Variants in GPR55 observed in about 807,000 individuals in gnomAD.
GPR55 encodes G protein-coupled receptor 55.
Under a neutral mutation model 7.9 loss-of-function variants are expected in GPR55, and 6 were observed. The ratio of observed to expected loss-of-function variants is 0.76; its 90% confidence interval spans 0.41 to 1.49. The LOEUF is 1.49. Among genes scored for constraint, GPR55 ranks in the 40% most tolerant of loss-of-function variants. GPR55 has a pLI of 0.01. For missense variants in GPR55, 376 were observed against 406.0 expected, an observed-to-expected ratio of 0.93 and a Z score of 0.63; for synonymous variants, 183 against 166.8, an observed-to-expected ratio of 1.10 and a Z score of -0.75.
rs1421441007 is a variant in GPR55, at chr2:230,916,925, AAAAAT to A, written c.-134-5834_-134-5830del. ...CAACTTTTATTAATATTCTCAATTC[AAAAAT>A]AAAATATAACTGTTTGCTCTTATGA... On this transcript the variant is annotated intron_variant, in intron 1 of 1. Coordinates refer to ENST00000650999, the MANE Select transcript of GPR55 (RefSeq NM_005683.4). Among the ~76,000 whole-genome samples the A allele has an allele frequency of 1.1e-4, 16 of 152,336 alleles. No homozygotes were observed. The East Asian group carries it at 3.1e-3, about 29-fold the overall frequency.
intron 1 of GPR55, among the ~76,000 whole-genome samples, chr2:230,948,946 G>A (rs78048467): frequency 0.24 from 37,019 of 152,060 alleles, 4,845 homozygotes; most frequent in Non-Finnish European, 0.28. Context: ...GCGTGCGCCT[G>A]TAATCCCAAC....
At position 230,910,644 on chromosome 2, in the gene GPR55, C is replaced by T. The variant is rs567062001; in HGVS notation, c.319G>A (p.Gly107Arg). The T allele has an allele frequency of 3.3e-5, 54 of 1,613,756 alleles. No individual in the cohort carries two copies. The highest frequency in any genetic ancestry group is 4.4e-5 in the South Asian group (4 of 91,064). The change falls in exon 2 of 2, where the codon GGA becomes AGA. Residue 107 changes from glycine to arginine, a missense_variant. By Grantham distance (125) the Gly-to-Arg change is moderately radical. Transcript: ENST00000650999. The surrounding 1 kb of genome is among the most constrained non-coding windows in gnomAD (Gnocchi z 5.4). ...ATGAAGCAGATGGTGAAGACGCTTC[C>T]GTACATGCTGACGAAGTAAAGGCAC... is the stretch of plus-strand genomic sequence containing the variant. Reference protein sequence around the residue: ...VECLYFVSMYGSVFTICFISM... With the variant: ...VECLYFVSMYRSVFTICFISM...
chr2:230,960,270 T>G (rs921753783), intron 1 of GPR55, among the ~76,000 whole-genome samples: 2 of 152,118 alleles, frequency 1.3e-5, no homozygotes, highest in African/African-American at 4.8e-5. Context: ...GGAAACAACT[T>G]TTTAGACTGA....
upstream of GPR55, among the ~76,000 whole-genome samples, chr2:230,928,961 C>T (rs576224376): frequency 1.3e-5 from 2 of 152,340 alleles, no homozygotes; most frequent in Admixed American, 6.5e-5. Context: ...CATCTGGCCT[C>T]TCCCCTCCCA....
At chr2:230,939,782 C>T (rs1691192822) in intron 1 of GPR55, among the ~76,000 whole-genome samples, 1 of 152,118 alleles carries the variant, frequency 6.6e-6, no homozygotes, top group Non-Finnish European at 1.5e-5. Flanking sequence ...GTTGAACGGC[C>T]AGCCGGCATC....
Position 230,938,194 on chromosome 2 carries a change from T to C in GPR55, c.-135+22581A>G, listed in dbSNP as rs532694276. On this transcript the variant is annotated intron_variant, in intron 1 of 1. Coordinates refer to the GPR55 transcript ENST00000392039. The stretch of plus-strand genomic sequence containing the variant: ...AAAAAGCTTAGACTCATTCTCATAC[T>C]AATAATTGGGGGTTTGTGTAAAACA... Among the ~76,000 whole-genome samples the C allele has an allele frequency of 2.4e-5, 3 of 124,270 alleles. No homozygotes were observed. The South Asian group carries it at 8.6e-4, about 36-fold the overall frequency. The allele number at this position is 124,270 out of a possible 152,430, so 81.5% of individuals were successfully genotyped here. A position where few individuals can be genotyped will look rare whatever the true frequency, so the allele number is the denominator to read the frequency against.
At chr2:230,933,392 G>A (rs1385183257) in intron 1 of GPR55, among the ~76,000 whole-genome samples, 1 of 152,156 alleles carries the variant, frequency 6.6e-6, no homozygotes, top group Admixed American at 6.5e-5. Context: ...GGACCCTGAT[G>A]TCCCTGCTAG....
upstream of GPR55, among the ~76,000 whole-genome samples, chr2:230,926,051 G>C (rs1007018632): frequency 6.6e-6 from 1 of 152,202 alleles, no homozygotes; most frequent in Non-Finnish European, 1.5e-5. Flanking sequence ...GGAGGTGCTG[G>C]GAGGCCCTGT....
chr2:230,923,120 G>A lies in GPR55; in HGVS notation c.-135+2048C>T, dbSNP rs564256067. Among the ~76,000 whole-genome samples, 10 of 152,318 alleles carry A rather than the reference G, an allele frequency of 6.6e-5. No homozygotes were observed. Among genetic ancestry groups the A allele is most frequent in the Non-Finnish European group, 1.0e-4 (7 of 68,042 alleles). ...CTCAAGGATCCAGTGTCCCACTTGC[G>A]GCAGCCCTGTGGCTTTGCCTGCACA... On this transcript the variant is annotated intron_variant, in intron 1 of 1. Transcript: ENST00000650999. The surrounding 1 kb of genome is among the most constrained non-coding windows in gnomAD (Gnocchi z 4.1).
intron 1 of GPR55, among the ~76,000 whole-genome samples, chr2:230,955,030 C>T (rs1442835888): frequency 6.6e-6 from 1 of 152,242 alleles, no homozygotes; most frequent in South Asian, 2.1e-4. Flanking sequence ...GATGCAATTA[C>T]AGTTAGGGAC....
rs115575496 is a variant in GPR55 at position 230,952,418 on chromosome 2, C to T, written c.-135+8357G>A. On this transcript the variant is annotated intron_variant, in intron 1 of 1. Coordinates refer to the GPR55 transcript ENST00000392039. Reference sequence around the variant, plus strand: ...CTACATGAGGTTGGCTCATTGTGAGCCCAGAGGGCTAAGGAAGGCCACAGC... The same window carrying T: ...CTACATGAGGTTGGCTCATTGTGAGTCCAGAGGGCTAAGGAAGGCCACAGC... Among the ~76,000 whole-genome samples the T allele has an allele frequency of 4.9e-3, 741 of 152,352 alleles. 3 individuals are homozygous for T. The highest frequency in any genetic ancestry group is 0.017 in the African/African-American group (715 of 41,578).
At chr2:230,950,054 G>C (rs1056487450) in intron 1 of GPR55, among the ~76,000 whole-genome samples, 1 of 152,150 alleles carries the variant, frequency 6.6e-6, no homozygotes, top group Non-Finnish European at 1.5e-5. Flanking sequence ...CAGGCTGAAC[G>C]CCTGACATCG....
upstream of GPR55, chr2:230,929,971 G>A (rs1691007843): frequency 1.3e-5 from 2 of 152,256 alleles, no homozygotes; most frequent in Non-Finnish European, 2.9e-5. Context: ...CTGAGGTTTG[G>A]CGCTCAAGGG....
At chr2:230,937,931 G>A (rs1387474631) in intron 1 of GPR55, among the ~76,000 whole-genome samples, 1 of 151,946 alleles carries the variant, frequency 6.6e-6, no homozygotes, top group Admixed American at 6.6e-5. Flanking sequence ...GAGGCAGGAG[G>A]ATTACTTGAG....
chr2:230,917,162 T>C (rs1690735638), intron 1 of GPR55, among the ~76,000 whole-genome samples: 1 of 152,250 alleles, frequency 6.6e-6, no homozygotes, highest in South Asian at 2.1e-4. Flanking sequence ...AGTAATCTTA[T>C]ACACCGAATG....
chr2:230,944,173 C>G lies in GPR55; in HGVS notation c.-135+16602G>C, dbSNP rs939315006. 2.0e-5 allele frequency among the ~76,000 whole-genome samples: 3 copies of G among 152,180 alleles called. No homozygotes were observed. The highest frequency in any genetic ancestry group is 7.2e-5 in the African/African-American group (3 of 41,442). On this transcript the variant is annotated intron_variant, in intron 1 of 1. Transcript: ENST00000392039. The surrounding 1 kb of genome is among the most constrained non-coding windows in gnomAD (Gnocchi z 4.2). The stretch of plus-strand genomic sequence containing the variant: ...AGATGCCGGGTCCCAGAGAGGACCT[C>G]AAGGAGACTTCCCAGGAAATTACCC...
At chr2:230,913,036 C>T (rs1487885253) in intron 1 of GPR55, among the ~76,000 whole-genome samples, 2 of 152,112 alleles carry the variant, frequency 1.3e-5, no homozygotes, top group Non-Finnish European at 2.9e-5. Flanking sequence ...TACCTAGAGC[C>T]CCTGTCCCTT....
At chr2:230,927,655 G>T (rs1386447256), upstream of GPR55, among the ~76,000 whole-genome samples, 3 of 152,228 alleles carry the variant, frequency 2.0e-5, no homozygotes, top group Admixed American at 1.3e-4. Context: ...GAGTTGGGGG[G>T]TTTGGGGGCA....
chr2:230,917,588 G>A (rs148986395), intron 1 of GPR55, among the ~76,000 whole-genome samples: 2,084 of 152,212 alleles, frequency 0.014, 28 homozygotes, highest in South Asian at 0.045. Flanking sequence ...AGGGAGGATC[G>A]TTTGAGCCCA....
Sources: gnomAD v4.1 joint callset for allele counts (sites outside exome capture counted in the v4.1 genomes callset) on GRCh38, gnomAD v4.1.1 for gene constraint, Gnocchi (gnomAD v3.1) non-coding constraint, MANE v1.5 for transcripts, NCBI Gene and HGNC (gene_info 2026-07-23, HGNC 2026-07-21) for gene names.